Variants in CSMD3 observed in about 807,000 individuals in gnomAD.
CSMD3 encodes the protein CUB and Sushi multiple domains 3.
A neutral mutation model predicts 435.2 loss-of-function variants in CSMD3; 177 were observed. That is an observed-to-expected ratio of 0.41 (90% confidence interval 0.36 to 0.46). The LOEUF (loss-of-function observed/expected upper bound fraction) is 0.46, where lower values mean the gene tolerates loss of function less well. CSMD3 is among the 20% of genes least tolerant of loss of function. CSMD3 has a pLI of 0.34. For synonymous variants in CSMD3, 1,656 were observed against 1,520.5 expected (o/e 1.09, Z -2.07); for missense variants, 4,265 against 4,504.6 (o/e 0.95, Z 1.52).
At chr8:112,420,652 T>C (rs1233929279) in intron 32 of CSMD3, among the ~76,000 whole-genome samples, 2 of 152,152 alleles carry the variant, frequency 1.3e-5, no homozygotes, top group Non-Finnish European at 2.9e-5. Context: ...GAGACTAAAA[T>C]AGGATAAAAC....
At chr8:113,244,993 C>A (rs2093260851) in intron 3 of CSMD3, among the ~76,000 whole-genome samples, 1 of 152,086 alleles carries the variant, frequency 6.6e-6, no homozygotes, top group African/African-American at 2.4e-5. Flanking sequence ...TAGGTACATG[C>A]ATGTTTACAA....
At chr8:112,488,345 T>C (rs1256870317) in intron 31 of CSMD3, among the ~76,000 whole-genome samples, 1 of 152,200 alleles carries the variant, frequency 6.6e-6, no homozygotes, top group Non-Finnish European at 1.5e-5. Flanking sequence ...TTATAGCCTA[T>C]GACTGCATGG....
chr8:113,430,244 C>T (rs771191775), intron 1 of CSMD3, among the ~76,000 whole-genome samples: 4 of 152,078 alleles, frequency 2.6e-5, no homozygotes, highest in South Asian at 2.1e-4. Context: ...AGATAAAGTG[C>T]GAGTTCATAC....
rs75338822 is a variant in CSMD3, at chr8:112,533,961, A to G, written c.4564+16710T>C. Reference sequence around the variant, plus strand: ...ACCAGAAATCAAAGACAAAAGAAACATTAGAAATTGTACAAATAACATGGA... The same window carrying G: ...ACCAGAAATCAAAGACAAAAGAAACGTTAGAAATTGTACAAATAACATGGA... On this transcript the variant is annotated intron_variant, in intron 27 of 70. Coordinates refer to ENST00000297405, the MANE Select transcript of CSMD3 (RefSeq NM_198123.2). 2.8e-4 allele frequency among the ~76,000 whole-genome samples: 43 copies of G among 152,198 alleles called. No homozygotes were observed. The East Asian group carries it at 5.4e-3, about 19-fold the overall frequency.
chr8:112,562,929 T>A (rs1828762434), intron 24 of CSMD3, among the ~76,000 whole-genome samples: 1 of 151,842 alleles, frequency 6.6e-6, no homozygotes, highest in Admixed American at 6.6e-5. Context: ...ACAATCTATT[T>A]CTTTTTGTAT....
intron 10 of CSMD3, among the ~76,000 whole-genome samples, chr8:112,882,576 T>G (rs2081478760): frequency 6.6e-6 from 1 of 152,138 alleles, no homozygotes; most frequent in African/African-American, 2.4e-5. Flanking sequence ...GATCTCAAGA[T>G]CCCCTTTGGA....
intron 10 of CSMD3, among the ~76,000 whole-genome samples, chr8:112,874,778 TC>T (rs2081233429): frequency 6.6e-6 from 1 of 152,184 alleles, no homozygotes; most frequent in Non-Finnish European, 1.5e-5. Context: ...TGGTAAATAT[TC>T]CTCCATCCCT....
intron 3 of CSMD3, among the ~76,000 whole-genome samples, chr8:113,223,910 C>G (rs1407701037): frequency 2.7e-5 from 4 of 150,474 alleles, no homozygotes; most frequent in African/African-American, 9.7e-5. Context: ...CAAGTAATTC[C>G]AAGGAAAAAA....
At chr8:112,679,343 G>A (rs892773245) in intron 16 of CSMD3, among the ~76,000 whole-genome samples, 1 of 152,062 alleles carries the variant, frequency 6.6e-6, no homozygotes, top group Non-Finnish European at 1.5e-5. Flanking sequence ...CCCTAAGATT[G>A]CTTCTGGCCC....
At chr8:113,112,957 A>AG (rs1237749901) in intron 4 of CSMD3, among the ~76,000 whole-genome samples, 2 of 152,158 alleles carry the variant, frequency 1.3e-5, no homozygotes, top group Non-Finnish European at 2.9e-5. Context: ...ATCCCATAAC[A>AG]TGGGGGCCTT....
intron 59 of CSMD3, among the ~76,000 whole-genome samples, chr8:112,278,401 G>A (rs1459393880): frequency 6.6e-6 from 1 of 152,204 alleles, no homozygotes; most frequent in African/African-American, 2.4e-5. Context: ...GACATTCAGA[G>A]ACAGGAGTAT....
chr8:112,311,794 G>A (rs1193296390), intron 49 of CSMD3, among the ~76,000 whole-genome samples: 1 of 152,100 alleles, frequency 6.6e-6, no homozygotes, highest in Non-Finnish European at 1.5e-5. Flanking sequence ...TTTTTCATAT[G>A]TACTTTTGAG....
intron 13 of CSMD3, among the ~76,000 whole-genome samples, chr8:112,770,066 GC>G (rs2078073235): frequency 6.6e-6 from 1 of 151,840 alleles, no homozygotes; most frequent in African/African-American, 2.4e-5. Context: ...TCAAATTATT[GC>G]AAATATCTTG....
At chr8:112,544,195 T>C (rs901727624) in intron 27 of CSMD3, among the ~76,000 whole-genome samples, 1 of 152,112 alleles carries the variant, frequency 6.6e-6, no homozygotes, top group Non-Finnish European at 1.5e-5. Flanking sequence ...CACCTAAAAA[T>C]TTGCTTAAAA....
At chr8:112,420,298 C>T (rs1283632102) in intron 32 of CSMD3, among the ~76,000 whole-genome samples, 2 of 152,084 alleles carry the variant, frequency 1.3e-5, no homozygotes, top group African/African-American at 4.8e-5. Context: ...ACCTGGAGTA[C>T]TTTTAAGCAA....
intron 21 of CSMD3, 54 bp from the exon 22 acceptor site, chr8:112,637,059 G>T (rs1741853835): frequency 1.5e-6 from 2 of 1,372,846 alleles, no homozygotes; most frequent in Non-Finnish European, 2.1e-6. Context: ...CAAAGAAAAT[G>T]ATAGTGGTTA....
intron 35 of CSMD3, 135 bp downstream of exon 35, chr8:112,406,389 A>T: frequency 2.0e-6 from 1 of 506,414 alleles, no homozygotes. Context: ...TTTCATATTT[A>T]TATAAAGCAT....
In CSMD3 at chr8:112,314,446, A is replaced by G. The variant is rs749945952; in HGVS notation, c.7532T>C (p.Val2511Ala). ...TTGGTTACCATCATACACCTGAAGA[A>G]CATCAAATTCCTTTTCTGTCTGGAA... ...EFFQTEKEFD[V>A]LQVYDGPNIQ... Residue 2511 changes from valine (V) to alanine (A), a missense_variant, in exon 48 of 71, where the codon GTT becomes GCT. Val to Ala is a moderately conservative substitution (Grantham distance 64, BLOSUM62 0). Around this residue, in one of 3 missense-constraint regions of CSMD3, gnomAD observed 3,255 missense variants for 3,380.2 expected, o/e 0.96. Coordinates refer to ENST00000297405, the MANE Select transcript of CSMD3 (RefSeq NM_198123.2). The G allele has an allele frequency of 2.5e-6, 4 of 1,608,890 alleles. No homozygotes were observed. The highest frequency in any genetic ancestry group is 3.4e-6 in the Non-Finnish European group (4 of 1,175,420).
intron 13 of CSMD3, among the ~76,000 whole-genome samples, chr8:112,788,606 C>A (rs1010567959): frequency 2.0e-5 from 3 of 152,004 alleles, no homozygotes; most frequent in Non-Finnish European, 4.4e-5. Flanking sequence ...AGTCTTTGTC[C>A]CACTAAACTG....
Sources: allele counts gnomAD v4.1 joint callset (sites outside exome capture counted in the v4.1 genomes callset), GRCh38; gene constraint gnomAD v4.1.1; regional missense constraint gnomAD v4.1.1; transcripts MANE v1.5; gene names NCBI Gene and HGNC (gene_info 2026-07-23, HGNC 2026-07-21).